The following PRKCE variants were observed in gnomAD, a reference collection of about 807,000 sequenced individuals.
The protein encoded by PRKCE is protein kinase C epsilon type.
A neutral mutation model predicts 85.4 loss-of-function variants in PRKCE; 16 were observed. The observed-to-expected ratio is 0.19, with a 90% CI of 0.13 to 0.28. The LOEUF (loss-of-function observed/expected upper bound fraction) is 0.28, where lower values mean the gene tolerates loss of function less well. Ranked by LOEUF, PRKCE falls within the 10% of genes least tolerant of loss-of-function variation. The probability of loss-of-function intolerance (pLI) is 1.00; values close to 1 mark genes in which losing one functional copy is unlikely to be tolerated. For synonymous variants in PRKCE, 388 were observed against 371.5 expected, an observed-to-expected ratio of 1.04 and a Z score of -0.51; for missense variants, 573 against 975.2, an observed-to-expected ratio of 0.59 and a Z score of 5.49.
chr2:45,903,514 C>T (rs573978968), intron 2 of PRKCE, among the ~76,000 whole-genome samples: 8 of 152,198 alleles, frequency 5.3e-5, no homozygotes, highest in African/African-American at 1.2e-4. Context: ...TACAGGACAC[C>T]GTTAAATTTG....
intron 1 of PRKCE, among the ~76,000 whole-genome samples, chr2:45,769,070 ATT>A (rs1685120108): frequency 6.6e-6 from 1 of 152,206 alleles, no homozygotes; most frequent in Admixed American, 6.5e-5. Flanking sequence ...GTTTGTTGCC[ATT>A]TATTGGTGAA....
chr2:46,118,993 C>T (rs540190952), intron 11 of PRKCE, among the ~76,000 whole-genome samples: 2 of 152,254 alleles, frequency 1.3e-5, no homozygotes, highest in South Asian at 4.1e-4. Context: ...GGGGGAAGTG[C>T]ACGAACTCGG....
At chr2:45,930,701 G>GT (rs1573920696) in intron 2 of PRKCE, among the ~76,000 whole-genome samples, 2 of 152,240 alleles carry the variant, frequency 1.3e-5, no homozygotes, top group East Asian at 3.8e-4. Context: ...TAATGCCTCT[G>GT]TTGTTTGTTT....
At chr2:45,962,034 C>T (rs949039535) in intron 2 of PRKCE, among the ~76,000 whole-genome samples, 2 of 152,158 alleles carry the variant, frequency 1.3e-5, no homozygotes, top group Non-Finnish European at 2.9e-5. Flanking sequence ...TCAACCCCAG[C>T]CTCGCCTTTG....
intron 2 of PRKCE, among the ~76,000 whole-genome samples, chr2:45,849,276 C>A (rs533647868): frequency 5.9e-5 from 9 of 152,240 alleles, no homozygotes; most frequent in Admixed American, 3.3e-4. Flanking sequence ...GTCTGGGACA[C>A]TGGGCAGAGC....
intron 1 of PRKCE, among the ~76,000 whole-genome samples, chr2:45,711,306 T>C (rs1679615063): frequency 6.6e-6 from 1 of 152,150 alleles, no homozygotes; most frequent in Non-Finnish European, 1.5e-5. Flanking sequence ...GCTGGGCATA[T>C]AACAAACAAG....
rs138912652 is a variant in PRKCE, at chr2:45,695,061, C to A, written c.348+42613C>A. On this transcript the variant is annotated intron_variant, in intron 1 of 14. Coordinates refer to ENST00000306156, the MANE Select transcript of PRKCE (RefSeq NM_005400.3). The stretch of plus-strand genomic sequence containing the variant: ...CCCCTGTGAGACACATACAAGGTGG[C>A]AGTTCCTTCTCCCTGTTTTTCCTGA... 2.6e-3 allele frequency among the ~76,000 whole-genome samples: 389 copies of A among 152,286 alleles called. 2 individuals carry two copies. The highest frequency in any genetic ancestry group is 9.0e-3 in the African/African-American group (373 of 41,554).
At chr2:45,891,680 T>G (rs1695731718) in intron 2 of PRKCE, among the ~76,000 whole-genome samples, 1 of 152,182 alleles carries the variant, frequency 6.6e-6, no homozygotes, top group Non-Finnish European at 1.5e-5. Flanking sequence ...CTTCCGCACG[T>G]AGAGTGGGGG....
At chr2:46,178,776 G>A (rs1420845774) in intron 14 of PRKCE, among the ~76,000 whole-genome samples, 1 of 152,182 alleles carries the variant, frequency 6.6e-6, no homozygotes, top group Non-Finnish European at 1.5e-5. Flanking sequence ...GCCAATGAAC[G>A]TTAAGTATCT....
chr2:45,795,000 T>G (rs1324172389), intron 1 of PRKCE, among the ~76,000 whole-genome samples: 2 of 152,178 alleles, frequency 1.3e-5, no homozygotes, highest in Non-Finnish European at 2.9e-5. Flanking sequence ...TTTCCACTCT[T>G]TCCTTTCATC....
At chr2:45,997,208 T>G (rs1477101923) in intron 6 of PRKCE, among the ~76,000 whole-genome samples, 1 of 152,176 alleles carries the variant, frequency 6.6e-6, no homozygotes, top group Non-Finnish European at 1.5e-5. Flanking sequence ...TCTCTCTCTC[T>G]CTCTCACTAG....
intron 6 of PRKCE, among the ~76,000 whole-genome samples, chr2:45,989,552 G>A (rs886379747): frequency 6.6e-6 from 1 of 151,922 alleles, no homozygotes; most frequent in East Asian, 1.9e-4. Flanking sequence ...AAATAAAAAT[G>A]GAGTGATCTT....
rs145029433 is a variant in PRKCE, at chr2:46,093,813, G to A, written c.1592+7451G>A. The stretch of plus-strand genomic sequence containing the variant: ...CCACCTCCACAGCCCTATCACATAC[G>A]CACACCCTTCCCAACCTCCCATCCT... On this transcript the variant is annotated intron_variant, in intron 11 of 14. Transcript: ENST00000306156. 4.1e-3 allele frequency among the ~76,000 whole-genome samples: 617 copies of A among 152,012 alleles called. 3 individuals are homozygous for A. Among genetic ancestry groups the A allele is most frequent in the African/African-American group, 0.014 (587 of 41,448 alleles).
chr2:45,950,884 C>T (rs1379256290), intron 2 of PRKCE, among the ~76,000 whole-genome samples: 1 of 152,098 alleles, frequency 6.6e-6, no homozygotes, highest in Non-Finnish European at 1.5e-5. Flanking sequence ...AGAACTGGCT[C>T]CTCTAATTAA....
At chr2:45,777,893 A>T (rs1165884852) in intron 1 of PRKCE, among the ~76,000 whole-genome samples, 6 of 152,084 alleles carry the variant, frequency 3.9e-5, no homozygotes, top group African/African-American at 7.2e-5. Context: ...CAACACAGAC[A>T]CCACACCAAA....
chr2:46,000,259 C>A (rs959535066), intron 6 of PRKCE, among the ~76,000 whole-genome samples: 1 of 150,950 alleles, frequency 6.6e-6, no homozygotes, highest in African/African-American at 2.4e-5. Flanking sequence ...ATGTGAGTAA[C>A]GTGTGGAGGG....
At chr2:46,108,347 C>A (rs953986835) in intron 11 of PRKCE, among the ~76,000 whole-genome samples, 2 of 152,146 alleles carry the variant, frequency 1.3e-5, no homozygotes, top group Admixed American at 6.5e-5. Flanking sequence ...GAAATCATAT[C>A]TTTTGCAGTA....
chr2:45,687,251 T>C (rs149774452), intron 1 of PRKCE, among the ~76,000 whole-genome samples: 361 of 152,250 alleles, frequency 2.4e-3, no homozygotes, highest in African/African-American at 8.0e-3. Context: ...TTATAAAGTA[T>C]TCTAATAAAT....
chr2:46,114,686 T>C (rs971172080), intron 11 of PRKCE, among the ~76,000 whole-genome samples: 19 of 150,930 alleles, frequency 1.3e-4, no homozygotes, highest in African/African-American at 4.4e-4. Flanking sequence ...CCTAAAGTGC[T>C]GAGATTACAG....
Sources: allele counts gnomAD v4.1 joint callset (sites outside exome capture counted in the v4.1 genomes callset), GRCh38; gene constraint gnomAD v4.1.1; transcripts MANE v1.5; gene names NCBI Gene and HGNC (gene_info 2026-07-23, HGNC 2026-07-21).